ITGA9: variants seen among roughly 807,000 people sequenced by gnomAD.
The protein encoded by ITGA9 is integrin subunit alpha 9.
ITGA9 carries 56 observed loss-of-function variants against 127.8 expected under a neutral mutation model. That is an observed-to-expected ratio of 0.44 (90% CI 0.35 to 0.55). The LOEUF (loss-of-function observed/expected upper bound fraction) is 0.55. ITGA9 is among the 20% of genes least tolerant of loss of function. ITGA9 has a pLI of 0.00. For missense variants in ITGA9, 1,196 were observed against 1,347.1 expected, an observed-to-expected ratio of 0.89 and a Z score of 1.76; for synonymous variants, 508 against 514.5, an observed-to-expected ratio of 0.99 and a Z score of 0.17.
At chr3:37,490,636 C>CGATTGGT (rs1698659962) in intron 4 of ITGA9, among the ~76,000 whole-genome samples, 1 of 152,170 alleles carries the variant, frequency 6.6e-6, no homozygotes, top group Non-Finnish European at 1.5e-5. Flanking sequence ...TGACCCCACC[C>CGATTGGT]GATTGGTGGT....
chr3:37,818,782 C>A, intron 27 of ITGA9, 109 bp from the exon 28 acceptor site: 1 of 798,160 alleles, frequency 1.3e-6, no homozygotes, highest in Non-Finnish European at 2.2e-6. Flanking sequence ...CAAGCCTCCC[C>A]AGCCCTGTGA....
At chr3:37,552,251 T>C (rs1699385524) in intron 15 of ITGA9, among the ~76,000 whole-genome samples, 1 of 152,172 alleles carries the variant, frequency 6.6e-6, no homozygotes, top group Non-Finnish European at 1.5e-5. Context: ...GTCACACTTA[T>C]TCCTCTGTCA....
At chr3:37,569,497 T>C (rs1411652851) in intron 15 of ITGA9, among the ~76,000 whole-genome samples, 1 of 152,178 alleles carries the variant, frequency 6.6e-6, no homozygotes. Flanking sequence ...AAAGGAGATA[T>C]TGATAAACCT....
intron 17 of ITGA9, among the ~76,000 whole-genome samples, chr3:37,673,451 AG>A (rs1455051327): frequency 6.6e-6 from 1 of 152,220 alleles, no homozygotes; most frequent in Non-Finnish European, 1.5e-5. Context: ...GAGAAAAGTC[AG>A]GGTGTTTCTC....
chr3:37,626,318 G>A (rs1012909248), intron 15 of ITGA9, among the ~76,000 whole-genome samples: 1 of 152,124 alleles, frequency 6.6e-6, no homozygotes, highest in African/African-American at 2.4e-5. Context: ...GCTTTGGGAT[G>A]GAGGGACATT....
At chr3:37,777,583 T>C in intron 24 of ITGA9, 66 bp downstream of exon 24, 1 of 1,557,142 alleles carries the variant, frequency 6.4e-7, no homozygotes, top group Non-Finnish European at 8.8e-7. Flanking sequence ...CAGTTTTCTA[T>C]TTGATATTTA....
At chr3:37,473,562 G>A (rs1698459992) in intron 3 of ITGA9, 102 bp downstream of exon 3, 2 of 770,362 alleles carry the variant, frequency 2.6e-6, no homozygotes, top group Non-Finnish European at 4.3e-6. Context: ...ATGGCTTTGA[G>A]GTTGCTTATT....
At chr3:37,595,503 C>G (rs1049480149) in intron 15 of ITGA9, among the ~76,000 whole-genome samples, 1 of 152,186 alleles carries the variant, frequency 6.6e-6, no homozygotes, top group Non-Finnish European at 1.5e-5. Flanking sequence ...TCAGAAAATG[C>G]CGGAACAGCA....
intron 4 of ITGA9, among the ~76,000 whole-genome samples, chr3:37,488,739 G>A (rs1698636665): frequency 6.6e-6 from 1 of 151,878 alleles, no homozygotes; most frequent in East Asian, 1.9e-4. Context: ...CGGCGGTTGT[G>A]GTGAGCCAGG....
Position 37,814,594 on chromosome 3 carries a change from T to G in ITGA9, c.3010-4297T>G, listed in dbSNP as rs1463802605. Among the ~76,000 whole-genome samples, 3 of 152,018 alleles carry G rather than the reference T, an allele frequency of 2.0e-5. No homozygotes were observed. Among genetic ancestry groups the G allele is most frequent in the Non-Finnish European group, 4.4e-5 (3 of 68,012 alleles). On this transcript the variant is annotated intron_variant, in intron 27 of 27. Coordinates refer to ENST00000264741, the MANE Select transcript of ITGA9 (RefSeq NM_002207.3). The surrounding 1 kb of genome is among the most constrained non-coding windows in gnomAD (Gnocchi z 4.3). ...CCCCCAAAAAAGAAACAATATTAGT[T>G]TGACAGAGCCACCACTAGACTATAG...
intron 27 of ITGA9, among the ~76,000 whole-genome samples, chr3:37,816,400 C>G (rs1230366753): frequency 1.3e-5 from 2 of 152,174 alleles, no homozygotes; most frequent in Non-Finnish European, 2.9e-5. Context: ...AAGGTATGTG[C>G]TAGAGAATCC....
intron 15 of ITGA9, among the ~76,000 whole-genome samples, chr3:37,583,055 C>G (rs1164356211): frequency 6.6e-6 from 1 of 152,186 alleles, no homozygotes; most frequent in African/African-American, 2.4e-5. Flanking sequence ...CAGGCTGAGT[C>G]TTCCTCACCG....
At chr3:37,656,677 T>C (rs953861897) in intron 17 of ITGA9, among the ~76,000 whole-genome samples, 1 of 152,194 alleles carries the variant, frequency 6.6e-6, no homozygotes, top group Non-Finnish European at 1.5e-5. Flanking sequence ...TTGAATACCC[T>C]TTTTTTCCTT....
chr3:37,493,345 T>C (rs1698691848), intron 4 of ITGA9, among the ~76,000 whole-genome samples: 1 of 152,232 alleles, frequency 6.6e-6, no homozygotes, highest in Non-Finnish European at 1.5e-5. Flanking sequence ...ATATTGCTTT[T>C]AATGGTACCA....
At position 37,533,327 on chromosome 3, in the gene ITGA9, A is replaced by G; in HGVS notation, c.1387A>G (p.Ile463Val). 1 of 1,614,226 alleles carries G rather than the reference A, an allele frequency of 6.2e-7. No homozygotes were observed. The highest frequency in any genetic ancestry group is 1.6e-4 in the Middle Eastern group (1 of 6,062). The change falls in exon 14 of 28, where the codon ATT (isoleucine) becomes GTT (valine). Residue 463 changes from isoleucine to valine, a missense_variant. Ile to Val is a conservative substitution (Grantham distance 29). Transcript: ENST00000264741. Reference protein sequence around the residue: ...SVVLLRARPVITVDVSIFLPG... With the variant: ...SVVLLRARPVVTVDVSIFLPG... Reference sequence around the variant, plus strand: ...CTTGCCCTGCAGAGCAAGGCCTGTCATTACGGTGGATGTCTCCATCTTCCT... The same window carrying G: ...CTTGCCCTGCAGAGCAAGGCCTGTCGTTACGGTGGATGTCTCCATCTTCCT...
chr3:37,666,354 T>C (rs1700586325), intron 17 of ITGA9, among the ~76,000 whole-genome samples: 1 of 152,238 alleles, frequency 6.6e-6, no homozygotes, highest in Non-Finnish European at 1.5e-5. Flanking sequence ...TATCAGTTAC[T>C]TACTGCTGTA....
intron 17 of ITGA9, among the ~76,000 whole-genome samples, chr3:37,657,176 G>A (rs960140938): frequency 6.6e-6 from 1 of 152,164 alleles, no homozygotes; most frequent in Non-Finnish European, 1.5e-5. Context: ...TCTCTGCCAG[G>A]TTTTGGTATC....
chr3:37,726,969 G>C (rs1361634216), intron 18 of ITGA9, among the ~76,000 whole-genome samples: 1 of 152,176 alleles, frequency 6.6e-6, no homozygotes, highest in Non-Finnish European at 1.5e-5. Context: ...ATCATAAGTT[G>C]AAAATGCATT....
intron 11 of ITGA9, among the ~76,000 whole-genome samples, chr3:37,520,817 T>C (rs1699036930): frequency 6.6e-6 from 1 of 152,220 alleles, no homozygotes; most frequent in Non-Finnish European, 1.5e-5. Context: ...AGGAGCCCCG[T>C]GCTCGGGCAG....
Sources: gnomAD v4.1 joint callset for allele counts (sites outside exome capture counted in the v4.1 genomes callset) on GRCh38, gnomAD v4.1.1 for gene constraint, Gnocchi (gnomAD v3.1) non-coding constraint, MANE v1.5 for transcripts, NCBI Gene and HGNC (gene_info 2026-07-23, HGNC 2026-07-21) for gene names.